The following CSGALNACT1 variants were observed in gnomAD, a reference collection of about 807,000 sequenced individuals.
The protein encoded by CSGALNACT1 is chondroitin sulfate N-acetylgalactosaminyltransferase 1, also known as beta4GalNAcT-1.
In CSGALNACT1, 52 loss-of-function variants were observed where a neutral mutation model predicts 51.0. That is an observed-to-expected ratio of 1.02 (90% CI 0.82 to 1.29). The LOEUF is 1.29. CSGALNACT1 is among the 50% of genes most tolerant of loss of function. CSGALNACT1 has a pLI of 0.00. For missense variants in CSGALNACT1, 935 were observed against 679.2 expected (o/e 1.38, Z -4.19); for synonymous variants, 341 against 254.4 (o/e 1.34, Z -3.24).
intron 3 of CSGALNACT1, among the ~76,000 whole-genome samples, chr8:19,586,039 C>G (rs2046552966): frequency 6.6e-6 from 1 of 152,216 alleles, no homozygotes; most frequent in Middle Eastern, 3.4e-3. Context: ...AACCAATTCC[C>G]TCTAGGAAAC....
intron 5 of CSGALNACT1, among the ~76,000 whole-genome samples, chr8:19,444,744 C>T (rs1046076165): frequency 6.6e-6 from 1 of 152,158 alleles, no homozygotes; most frequent in Non-Finnish European, 1.5e-5. Context: ...TTCTTGCCCT[C>T]ATAACACTTA....
chr8:19,549,908 T>C (rs2087522800), intron 3 of CSGALNACT1, among the ~76,000 whole-genome samples: 2 of 152,158 alleles, frequency 1.3e-5, no homozygotes, highest in African/African-American at 2.4e-5. Flanking sequence ...GATGCTGGAA[T>C]GTTTGCTGAG....
intron 3 of CSGALNACT1, among the ~76,000 whole-genome samples, chr8:19,518,573 C>A (rs1189205497): frequency 6.6e-6 from 1 of 152,182 alleles, no homozygotes; most frequent in Non-Finnish European, 1.5e-5. Flanking sequence ...GCAGTCTCTG[C>A]CACTCAGTCC....
At chr8:19,664,701 C>G (rs1444941912) in intron 1 of CSGALNACT1, among the ~76,000 whole-genome samples, 3 of 152,004 alleles carry the variant, frequency 2.0e-5, no homozygotes, top group Non-Finnish European at 4.4e-5. Context: ...TGGAATACTA[C>G]TCAGCCACAA....
chr8:19,523,769 C>T (rs2081167368), intron 3 of CSGALNACT1, among the ~76,000 whole-genome samples: 1 of 152,158 alleles, frequency 6.6e-6, no homozygotes, highest in Admixed American at 6.5e-5. Flanking sequence ...GATCCCTGTC[C>T]TCACCAGGGT....
intron 1 of CSGALNACT1, among the ~76,000 whole-genome samples, chr8:19,741,976 C>T (rs931261401): frequency 2.0e-5 from 3 of 152,184 alleles, no homozygotes; most frequent in Non-Finnish European, 4.4e-5. Flanking sequence ...TGAACAGCTG[C>T]GTAACCTTGA....
intron 4 of CSGALNACT1, among the ~76,000 whole-genome samples, chr8:19,475,266 G>C (rs751674299): frequency 1.1e-4 from 17 of 152,190 alleles, no homozygotes; most frequent in Admixed American, 2.0e-4. Context: ...ACCAGGTAGA[G>C]AATGCAGTAA....
chr8:19,747,258 C>CAA (rs11376280), intron 1 of CSGALNACT1, among the ~76,000 whole-genome samples: 65 of 144,612 alleles, frequency 4.5e-4, no homozygotes, highest in African/African-American at 1.4e-3. Flanking sequence ...GGAGAGAAAG[C>CAA]AAAAAAAAAA....
chr8:19,674,212 G>A (rs577085201), intron 1 of CSGALNACT1, among the ~76,000 whole-genome samples: 84 of 152,296 alleles, frequency 5.5e-4, no homozygotes, highest in African/African-American at 1.9e-3. Context: ...AGAATTGTTC[G>A]AACCTGGGAG....
chr8:19,639,559 A>G (rs765346762), intron 1 of CSGALNACT1, among the ~76,000 whole-genome samples: 11 of 152,196 alleles, frequency 7.2e-5, no homozygotes, highest in Non-Finnish European at 1.6e-4. Flanking sequence ...ATAGTTCCAT[A>G]GCAGGACCAG....
At chr8:19,560,556 G>A (rs1057053063) in intron 3 of CSGALNACT1, among the ~76,000 whole-genome samples, 1 of 152,078 alleles carries the variant, frequency 6.6e-6, no homozygotes, top group Non-Finnish European at 1.5e-5. Flanking sequence ...TACACAACAC[G>A]ATGGAAAAAT....
At chr8:19,669,167 G>A (rs1019345927) in intron 1 of CSGALNACT1, among the ~76,000 whole-genome samples, 1 of 152,106 alleles carries the variant, frequency 6.6e-6, no homozygotes, top group African/African-American at 2.4e-5. Flanking sequence ...TTTAATCATT[G>A]AAAATTTACC....
intron 1 of CSGALNACT1, among the ~76,000 whole-genome samples, chr8:19,698,648 A>AT (rs1195832079): frequency 6.6e-6 from 1 of 152,142 alleles, no homozygotes; most frequent in Non-Finnish European, 1.5e-5. Context: ...GATGGCTACT[A>AT]TTTTTTTAAG....
At chr8:19,480,641 G>A (rs913617194) in intron 4 of CSGALNACT1, among the ~76,000 whole-genome samples, 3 of 152,272 alleles carry the variant, frequency 2.0e-5, no homozygotes, top group Admixed American at 1.3e-4. Context: ...AACAAACCTA[G>A]CAAAGAGCAT....
chr8:19,693,818 T>C (rs13253689), intron 1 of CSGALNACT1, among the ~76,000 whole-genome samples: 115,543 of 152,030 alleles, frequency 0.76, 44,043 homozygotes, highest in East Asian at 0.85. Context: ...CCTTCTTGAA[T>C]TCGGTAACTA....
chr8:19,529,131 G>T (rs149955617), intron 3 of CSGALNACT1, among the ~76,000 whole-genome samples: 1 of 152,174 alleles, frequency 6.6e-6, no homozygotes, highest in Admixed American at 6.5e-5. Flanking sequence ...CTGCAACAAA[G>T]CTCGGTGAGT....
intron 1 of CSGALNACT1, chr8:19,682,465 C>A: frequency 2.9e-6 from 1 of 343,732 alleles, no homozygotes; most frequent in South Asian, 2.2e-5. Flanking sequence ...CTTCCCTCTG[C>A]CACTCACCCA....
At chr8:19,529,667 C>T (rs981816526) in intron 3 of CSGALNACT1, among the ~76,000 whole-genome samples, 1 of 152,186 alleles carries the variant, frequency 6.6e-6, no homozygotes, top group Non-Finnish European at 1.5e-5. Context: ...CACACACATA[C>T]ACCCACACAC....
intron 2 of CSGALNACT1, among the ~76,000 whole-genome samples, chr8:19,593,906 T>C (rs941394702): frequency 6.6e-6 from 1 of 152,154 alleles, no homozygotes; most frequent in Non-Finnish European, 1.5e-5. Flanking sequence ...GAAACTTAAT[T>C]TTCCTTCCCT....
Sources: allele counts gnomAD v4.1 joint callset (sites outside exome capture counted in the v4.1 genomes callset), GRCh38; gene constraint gnomAD v4.1.1; transcripts MANE v1.5; gene names NCBI Gene and HGNC (gene_info 2026-07-23, HGNC 2026-07-21).